Variants in KATNAL1 observed in about 807,000 individuals in gnomAD.
KATNAL1 encodes katanin catalytic subunit A1 like 1.
In KATNAL1, 32 loss-of-function variants were observed where a neutral mutation model predicts 55.2. That is an observed-to-expected ratio of 0.58 (90% CI 0.44 to 0.78). KATNAL1 has a LOEUF of 0.78. KATNAL1 is among the 30% of genes least tolerant of loss of function. KATNAL1 has a pLI of 0.00. For synonymous variants in KATNAL1, 193 were observed against 193.6 expected, an observed-to-expected ratio of 1.00 and a Z score of 0.02; for missense variants, 466 against 600.9, an observed-to-expected ratio of 0.78 and a Z score of 2.35.
At position 30,293,752 on chromosome 13, in the gene KATNAL1, C is replaced by T. The variant is rs184382690; in HGVS notation, c.-14-9961G>A. On this transcript the variant is annotated intron_variant, in intron 1 of 10. Transcript: ENST00000380615. ...TACACAGGCCCACCTCAGTTTACCG[C>T]GCCTCATTTTACTGCACTTCGCAGA... is the stretch of plus-strand genomic sequence containing the variant. 1.5e-3 allele frequency among the ~76,000 whole-genome samples: 233 copies of T among 152,238 alleles called. 2 individuals are homozygous for T. The highest frequency in any genetic ancestry group is 5.2e-3 in the African/African-American group (215 of 41,546).
chr13:30,209,154 G>A (rs1247673460), intron 10 of KATNAL1, among the ~76,000 whole-genome samples: 1 of 152,112 alleles, frequency 6.6e-6, no homozygotes, highest in East Asian at 1.9e-4. Flanking sequence ...ATAAAGACAC[G>A]AATCACTCCC....
chr13:30,238,778 A>C (rs1876951326), intron 6 of KATNAL1, among the ~76,000 whole-genome samples: 1 of 152,200 alleles, frequency 6.6e-6, no homozygotes, highest in Admixed American at 6.5e-5. Flanking sequence ...TAGCTCAGGG[A>C]CTATGTCTTG....
chr13:30,226,203 A>T (rs1048918439), intron 9 of KATNAL1, among the ~76,000 whole-genome samples: 2 of 152,214 alleles, frequency 1.3e-5, no homozygotes, highest in African/African-American at 4.8e-5. Context: ...GACCATTCTG[A>T]AAAACAGTTT....
chr13:30,241,801 G>C (rs1010923283), intron 4 of KATNAL1, among the ~76,000 whole-genome samples: 1 of 152,178 alleles, frequency 6.6e-6, no homozygotes, highest in Non-Finnish European at 1.5e-5. Context: ...TAGTCAAAAG[G>C]CTCAATCATA....
chr13:30,236,751 C>T (rs770424132), intron 6 of KATNAL1, among the ~76,000 whole-genome samples: 3 of 152,166 alleles, frequency 2.0e-5, no homozygotes, highest in Non-Finnish European at 4.4e-5. Flanking sequence ...GTAGGTCACA[C>T]CAACCATTCC....
Position 30,205,623 on chromosome 13 carries a change from T to C in KATNAL1, c.*2917A>G, listed in dbSNP as rs1873034632. The C allele has an allele frequency of 1.1e-5, 1 of 93,192 alleles. No homozygotes were observed. Among genetic ancestry groups the C allele is most frequent in the South Asian group, 2.6e-4 (1 of 3,800 alleles). 5.8% of individuals were successfully genotyped at this position (93,192 alleles called of 1,614,324 possible). ...AATAAAGACAGTCAGAGTGTGTGTG[T>C]GTGTGTGTATGTGAGTGTGAGTGTG... On this transcript the variant is annotated 3_prime_UTR_variant, in exon 11 of 11. Coordinates refer to ENST00000380615, the MANE Select transcript of KATNAL1 (RefSeq NM_032116.5).
chr13:30,215,324 A>G (rs1034919503), intron 9 of KATNAL1, among the ~76,000 whole-genome samples: 61 of 152,276 alleles, frequency 4.0e-4, no homozygotes, highest in Middle Eastern at 3.4e-3. Context: ...TACACTGTTG[A>G]TGGGACCGTA....
chr13:30,203,283 G>A lies in KATNAL1; in HGVS notation c.*5257C>T, dbSNP rs1489926444. The A allele has an allele frequency of 2.6e-5, 4 of 152,180 alleles. No individual in the cohort carries two copies. The highest frequency in any genetic ancestry group is 7.2e-5 in the African/African-American group (3 of 41,438). The allele number at this position is 152,180 out of a possible 1,614,324, so 9.4% of individuals were successfully genotyped here. On this transcript the variant is annotated 3_prime_UTR_variant, in exon 11 of 11. Transcript: ENST00000380615. ...GATTAAAAAGAAAAGTTAATGGGAG[G>A]AGGGCAACAGCAGGAGGGAAGGATG...
chr13:30,280,541 C>A (rs1881203634), intron 2 of KATNAL1, among the ~76,000 whole-genome samples: 2 of 152,036 alleles, frequency 1.3e-5, no homozygotes, highest in South Asian at 2.1e-4. Context: ...GTTAAACATT[C>A]CAAGAAATCT....
intron 4 of KATNAL1, among the ~76,000 whole-genome samples, chr13:30,253,485 A>G (rs1878517959): frequency 6.6e-6 from 1 of 152,034 alleles, no homozygotes; most frequent in Admixed American, 6.6e-5. Flanking sequence ...AACATGGTGA[A>G]ACAACGCCTC....
At chr13:30,231,541 T>C (rs1876099025) in intron 6 of KATNAL1, 69 bp from the exon 7 acceptor site, 2 of 1,009,174 alleles carry the variant, frequency 2.0e-6, no homozygotes, top group African/African-American at 1.7e-5. Flanking sequence ...TATCATCAGC[T>C]ATTAATGTAC....
chr13:30,278,211 T>C (rs537415244), intron 3 of KATNAL1, among the ~76,000 whole-genome samples: 2 of 151,968 alleles, frequency 1.3e-5, no homozygotes, highest in Admixed American at 1.3e-4. Context: ...GGAATGAAAA[T>C]CTTTTTTTTT....
intron 1 of KATNAL1, among the ~76,000 whole-genome samples, chr13:30,300,668 T>C (rs1374437889): frequency 6.6e-6 from 1 of 152,216 alleles, no homozygotes; most frequent in African/African-American, 2.4e-5. Flanking sequence ...TAAATGAACC[T>C]ACTATGTGAG....
chr13:30,218,342 G>C (rs1874518422), intron 9 of KATNAL1, among the ~76,000 whole-genome samples: 1 of 151,888 alleles, frequency 6.6e-6, no homozygotes, highest in African/African-American at 2.4e-5. Flanking sequence ...AATGAAGAGA[G>C]GTTGAGAAAG....
In KATNAL1 at chr13:30,262,167, C is replaced by T. The variant is rs1036967228; in HGVS notation, c.324-6552G>A. Among the ~76,000 whole-genome samples, 77 of 151,086 alleles carry T rather than the reference C, an allele frequency of 5.1e-4. 1 individual carries two copies. The highest frequency in any genetic ancestry group is 1.8e-3 in the African/African-American group (76 of 41,096). On this transcript the variant is annotated intron_variant, in intron 3 of 10. Transcript: ENST00000380615. The stretch of plus-strand genomic sequence containing the variant: ...CAGAAATAAAGATGTTCTTTGAAAC[C>T]AACGAGAACAAAGACACAACATACC...
In KATNAL1 at chr13:30,271,171, T is replaced by C. The variant is rs147623115; in HGVS notation, c.323+8892A>G. On this transcript the variant is annotated intron_variant, in intron 3 of 10. Transcript: ENST00000380615. ...AGATGTTCTTCACACTTTACATGGG[T>C]TAAATCATTTAATTCTCATAATAAC... Among the ~76,000 whole-genome samples the C allele has an allele frequency of 1.6e-3, 250 of 152,270 alleles. 1 individual carries two copies. The highest frequency in any genetic ancestry group is 5.5e-3 in the African/African-American group (229 of 41,538).
intron 9 of KATNAL1, among the ~76,000 whole-genome samples, chr13:30,213,858 G>C (rs1054084413): frequency 6.6e-6 from 1 of 151,960 alleles, no homozygotes; most frequent in South Asian, 2.1e-4. Flanking sequence ...CTTTGAAAAC[G>C]GGCACAAGAC....
At position 30,221,594 on chromosome 13, in the gene KATNAL1, A is replaced by T. The variant is rs542247591; in HGVS notation, c.1147+5818T>A. Among the ~76,000 whole-genome samples the T allele has an allele frequency of 9.8e-5, 15 of 152,352 alleles. No individual in the cohort carries two copies. In the South Asian group the frequency reaches 3.1e-3, roughly 32 times the overall value. ...TAGATTATCCATTTCTGAATAAAAA[A>T]TTTTACTAAAACTTACAGACTTTAC... On this transcript the variant is annotated intron_variant, in intron 9 of 10. Coordinates refer to ENST00000380615, the MANE Select transcript of KATNAL1 (RefSeq NM_032116.5).
intron 3 of KATNAL1, among the ~76,000 whole-genome samples, chr13:30,278,672 G>GT (rs1222565710): frequency 2.0e-5 from 3 of 152,192 alleles, no homozygotes; most frequent in Non-Finnish European, 4.4e-5. Context: ...CAGCTCTTAG[G>GT]TTTAAACTAG....
Sources: gnomAD v4.1 joint callset for allele counts (sites outside exome capture counted in the v4.1 genomes callset) on GRCh38, gnomAD v4.1.1 for gene constraint, MANE v1.5 for transcripts, NCBI Gene and HGNC (gene_info 2026-07-23, HGNC 2026-07-21) for gene names.